Variants in CROT observed in about 807,000 individuals in gnomAD.
CROT encodes the protein carnitine O-octanoyltransferase.
CROT carries 84 observed loss-of-function variants against 89.2 expected under a neutral mutation model. The observed-to-expected ratio is 0.94, with a 90% confidence interval of 0.79 to 1.13. CROT has a LOEUF of 1.13. CROT is among the 50% of genes most tolerant of loss of function. The pLI is 0.00. For synonymous variants in CROT, 212 were observed against 239.5 expected, an observed-to-expected ratio of 0.89 and a Z score of 1.06; for missense variants, 711 against 727.8, an observed-to-expected ratio of 0.98 and a Z score of 0.27.
intron 13 of CROT, 138 bp downstream of exon 13, chr7:87,382,681 T>C: frequency 1.3e-6 from 1 of 786,310 alleles, no homozygotes; most frequent in Non-Finnish European, 2.0e-6. Flanking sequence ...TGTACTTCCA[T>C]CAATAGAGTA....
At chr7:87,353,461 C>G (rs1274959677) in intron 3 of CROT, among the ~76,000 whole-genome samples, 1 of 152,012 alleles carries the variant, frequency 6.6e-6, no homozygotes, top group Non-Finnish European at 1.5e-5. Flanking sequence ...TTAACTGATT[C>G]TTTTCTAGTA....
chr7:87,380,898 G>A lies in CROT; in HGVS notation c.979-1012G>A, dbSNP rs1343870912. ...ACTGTTAGAAAATGGGTTTGTCAGC[G>A]ACCTGTGAGTCTTGTCATGTGTGCT... On this transcript the variant is annotated intron_variant, in intron 10 of 17. Transcript: ENST00000331536. Among the ~76,000 whole-genome samples the A allele has an allele frequency of 3.3e-5, 5 of 152,330 alleles. No homozygotes were observed. In the East Asian group the frequency reaches 5.8e-4, roughly 18 times the overall value.
intron 6 of CROT, among the ~76,000 whole-genome samples, chr7:87,366,726 G>T (rs561936757): frequency 6.6e-6 from 1 of 152,176 alleles, no homozygotes; most frequent in South Asian, 2.1e-4. Context: ...TCAAATCTTT[G>T]CTACCTCTCC....
At position 87,375,928 on chromosome 7, in the gene CROT, A is replaced by C. The variant is rs759100033; in HGVS notation, c.851A>C (p.His284Pro). Residue 284 changes from histidine (H) to proline (P), a missense_variant, in exon 9 of 18, where the codon CAT becomes CCT. Transcript: ENST00000331536. ...LVYSMEDSSP[H>P]VTPEDYSEII... The stretch of plus-strand genomic sequence containing the variant: ...TATTCCATGGAGGATAGCAGTCCAC[A>C]TGTAACACCAGAGGATTATTCTGAG... 1 of 1,611,336 alleles carries C rather than the reference A, an allele frequency of 6.2e-7. No homozygotes were observed. The highest frequency in any genetic ancestry group is 1.1e-5 in the South Asian group (1 of 90,548).
At chr7:87,381,152 G>A (rs899967151) in intron 10 of CROT, among the ~76,000 whole-genome samples, 3 of 152,102 alleles carry the variant, frequency 2.0e-5, no homozygotes, top group Non-Finnish European at 4.4e-5. Flanking sequence ...TCCCAAGCTC[G>A]CAGTGTCACG....
intron 13 of CROT, among the ~76,000 whole-genome samples, chr7:87,384,399 G>T (rs1351540500): frequency 6.6e-6 from 1 of 152,110 alleles, no homozygotes; most frequent in African/African-American, 2.4e-5. Context: ...TGATGTAGGG[G>T]CACATATCTG....
chr7:87,393,105 G>C, intron 17 of CROT, 38 bp downstream of exon 17: 1 of 1,587,220 alleles, frequency 6.3e-7, no homozygotes, highest in Middle Eastern at 1.7e-4. Flanking sequence ...GTGCTATAGA[G>C]TAGGAAAGGT....
At chr7:87,395,973 A>G (rs1807512869) in intron 17 of CROT, among the ~76,000 whole-genome samples, 1 of 152,228 alleles carries the variant, frequency 6.6e-6, no homozygotes, top group African/African-American at 2.4e-5. Flanking sequence ...GTTGTTAAGA[A>G]GAAGTCATGA....
chr7:87,384,367 A>T lies in CROT; in HGVS notation c.1301+1824A>T, dbSNP rs148639342. On this transcript the variant is annotated intron_variant, in intron 13 of 17. Coordinates refer to ENST00000331536, the MANE Select transcript of CROT (RefSeq NM_021151.4). ...GCCAACATAGCGAAACCCTGTCTCT[A>T]CTAAAAATACAAAAATTAGCCTGAT... 5.9e-5 allele frequency among the ~76,000 whole-genome samples: 9 copies of T among 152,266 alleles called. No individual in the cohort carries two copies. In the East Asian group the frequency reaches 1.7e-3, roughly 29 times the overall value.
At chr7:87,375,998 G>T in intron 9 of CROT, 45 bp downstream of exon 9, 13 of 1,498,628 alleles carry the variant, frequency 8.7e-6, no homozygotes, top group South Asian at 4.1e-5. Flanking sequence ...AGATTTTTCT[G>T]GAAGACTCAT....
chr7:87,384,373 A>T (rs1273648288), intron 13 of CROT, among the ~76,000 whole-genome samples: 1 of 152,110 alleles, frequency 6.6e-6, no homozygotes. Context: ...CTCTACTAAA[A>T]ATACAAAAAT....
At chr7:87,371,740 C>G (rs1562933106) in intron 7 of CROT, among the ~76,000 whole-genome samples, 1 of 152,036 alleles carries the variant, frequency 6.6e-6, no homozygotes, top group Non-Finnish European at 1.5e-5. Flanking sequence ...CCTGTAATTG[C>G]AACATTTTGG....
At chr7:87,379,361 C>G (rs997965684) in intron 10 of CROT, among the ~76,000 whole-genome samples, 1 of 152,130 alleles carries the variant, frequency 6.6e-6, no homozygotes, top group Non-Finnish European at 1.5e-5. Flanking sequence ...CTATTATTCT[C>G]ATTTGAGAGT....
intron 3 of CROT, among the ~76,000 whole-genome samples, chr7:87,350,754 T>G (rs1249223131): frequency 6.6e-6 from 1 of 152,150 alleles, no homozygotes; most frequent in African/African-American, 2.4e-5. Context: ...CAGGGTCTGA[T>G]TGCATTGTTG....
At chr7:87,346,549 C>T (rs1805683917) in intron 2 of CROT, 119 bp downstream of exon 2, 1 of 152,162 alleles carries the variant, frequency 6.6e-6, no homozygotes, top group Admixed American at 6.5e-5. Flanking sequence ...TTTCTTAGTG[C>T]TATTGGAACC....
chr7:87,363,563 C>T (rs1416295357), intron 6 of CROT, among the ~76,000 whole-genome samples: 2 of 152,074 alleles, frequency 1.3e-5, no homozygotes, highest in African/African-American at 4.8e-5. Flanking sequence ...GAGCAGAGTA[C>T]ACAGGAGGGA....
intron 13 of CROT, among the ~76,000 whole-genome samples, chr7:87,390,767 A>G (rs1171562941): frequency 2.6e-5 from 4 of 152,368 alleles, no homozygotes; most frequent in East Asian, 1.9e-4. Context: ...ATATGGAGGC[A>G]CTAAAGGTCA....
At chr7:87,385,425 C>T (rs1284027420) in intron 13 of CROT, among the ~76,000 whole-genome samples, 2 of 151,740 alleles carry the variant, frequency 1.3e-5, no homozygotes, top group Non-Finnish European at 2.9e-5. Context: ...TCAGTTGATT[C>T]CTAGGTATTT....
At chr7:87,398,199 G>C in intron 17 of CROT, 1 of 464,870 alleles carries the variant, frequency 2.2e-6, no homozygotes, top group Non-Finnish European at 4.1e-6. Context: ...ACTCATTCCA[G>C]TAGCACTTTA....
Sources: gnomAD v4.1 joint callset for allele counts (sites outside exome capture counted in the v4.1 genomes callset) on GRCh38, gnomAD v4.1.1 for gene constraint, MANE v1.5 for transcripts, NCBI Gene and HGNC (gene_info 2026-07-23, HGNC 2026-07-21) for gene names.